HS3ST5: variants seen among roughly 807,000 people sequenced by gnomAD.
HS3ST5 encodes the protein heparan sulfate-glucosamine 3-sulfotransferase 5.
Under a neutral mutation model 25.4 loss-of-function variants are expected in HS3ST5, and 10 were observed. The ratio of observed to expected loss-of-function variants is 0.39; its 90% CI spans 0.24 to 0.67. The LOEUF (loss-of-function observed/expected upper bound fraction) is 0.67, where lower values mean the gene tolerates loss of function less well. HS3ST5 is among the 30% of genes least tolerant of loss of function. HS3ST5 has a pLI of 0.44. For synonymous variants in HS3ST5, 170 were observed against 162.4 expected, an observed-to-expected ratio of 1.05 and a Z score of -0.36; for missense variants, 324 against 420.7, an observed-to-expected ratio of 0.77 and a Z score of 2.01.
intron 3 of HS3ST5, among the ~76,000 whole-genome samples, chr6:114,070,008 C>A (rs1773711831): frequency 6.6e-6 from 1 of 152,018 alleles, no homozygotes; most frequent in African/African-American, 2.4e-5. Context: ...GATAAATCCT[C>A]TAGTGGAGAT....
chr6:114,245,958 G>C lies in HS3ST5; in HGVS notation c.-338-17180C>G, dbSNP rs184138605. The stretch of plus-strand genomic sequence containing the variant: ...ATTTTCGTGGAAAGGGTTCAGGCAA[G>C]ATGTTTCAATCAAATCTCATGACGC... On this transcript the variant is annotated intron_variant, in intron 1 of 4. Transcript: ENST00000312719. Among the ~76,000 whole-genome samples the C allele has an allele frequency of 9.3e-4, 142 of 152,304 alleles. 1 individual carries two copies. Among genetic ancestry groups the C allele is most frequent in the Non-Finnish European group, 1.6e-3 (106 of 68,020 alleles).
intron 2 of HS3ST5, chr6:114,178,737 G>T (rs60344320): frequency 6.6e-6 from 1 of 152,290 alleles, no homozygotes; most frequent in East Asian, 1.9e-4. Flanking sequence ...TTCTGTTTAG[G>T]CTAAGGAAGC....
intron 1 of HS3ST5, among the ~76,000 whole-genome samples, chr6:114,289,740 G>A (rs747570045): frequency 2.0e-5 from 3 of 152,102 alleles, no homozygotes; most frequent in Non-Finnish European, 2.9e-5. Context: ...AGCTCTACAA[G>A]TACAAAGCTC....
At chr6:114,302,358 G>A (rs1274563857) in intron 1 of HS3ST5, among the ~76,000 whole-genome samples, 2 of 152,154 alleles carry the variant, frequency 1.3e-5, no homozygotes, top group African/African-American at 4.8e-5. Flanking sequence ...GACATGAAAT[G>A]GTAAGAGAAA....
intron 2 of HS3ST5, among the ~76,000 whole-genome samples, chr6:114,215,341 A>G (rs1231769785): frequency 2.0e-5 from 3 of 151,938 alleles, no homozygotes; most frequent in Non-Finnish European, 2.9e-5. Context: ...AACAGCAACA[A>G]AAAACTCAGG....
At chr6:114,177,704 G>A (rs1253390591) in intron 2 of HS3ST5, among the ~76,000 whole-genome samples, 1 of 152,144 alleles carries the variant, frequency 6.6e-6, no homozygotes, top group Non-Finnish European at 1.5e-5. Flanking sequence ...TTCTAGTTAT[G>A]AAGGAAGAAT....
intron 1 of HS3ST5, among the ~76,000 whole-genome samples, chr6:114,332,850 A>T (rs1025171343): frequency 7.9e-5 from 12 of 152,130 alleles, no homozygotes. Flanking sequence ...AGGGATCAGC[A>T]TATAGAAAGG....
intron 2 of HS3ST5, among the ~76,000 whole-genome samples, chr6:114,213,797 G>C (rs1044122865): frequency 6.6e-6 from 1 of 152,024 alleles, no homozygotes; most frequent in African/African-American, 2.4e-5. Flanking sequence ...TTATCTCTAC[G>C]ATCCCCAGTC....
intron 2 of HS3ST5, among the ~76,000 whole-genome samples, chr6:114,214,435 A>G (rs1000229990): frequency 3.3e-5 from 5 of 152,064 alleles, no homozygotes; most frequent in Admixed American, 3.3e-4. Context: ...TTACTCTTTC[A>G]TGACCTTGAC....
intron 3 of HS3ST5, among the ~76,000 whole-genome samples, chr6:114,099,432 A>G (rs1303613293): frequency 1.3e-5 from 2 of 152,186 alleles, no homozygotes; most frequent in South Asian, 2.1e-4. Context: ...AGTAATTCCT[A>G]TTCCCTAAGG....
chr6:114,293,337 T>C (rs778339501), intron 1 of HS3ST5, among the ~76,000 whole-genome samples: 13 of 152,204 alleles, frequency 8.5e-5, no homozygotes, highest in Non-Finnish European at 1.8e-4. Flanking sequence ...TTTTACATGA[T>C]ATTGGAGACA....
At chr6:114,288,987 G>A (rs72956242) in intron 1 of HS3ST5, among the ~76,000 whole-genome samples, 111 of 152,122 alleles carry the variant, frequency 7.3e-4, no homozygotes, top group Admixed American at 1.8e-3. Context: ...TGGTTCCTGG[G>A]ACAGAGAACA....
At chr6:114,217,957 T>C (rs1051923556) in intron 2 of HS3ST5, among the ~76,000 whole-genome samples, 1 of 152,242 alleles carries the variant, frequency 6.6e-6, no homozygotes, top group Non-Finnish European at 1.5e-5. Context: ...CCATCTTGTA[T>C]GATTCTAACA....
intron 1 of HS3ST5, among the ~76,000 whole-genome samples, chr6:114,240,037 G>T (rs897221263): frequency 2.6e-5 from 3 of 116,128 alleles, no homozygotes; most frequent in African/African-American, 3.8e-5. Context: ...CACACACACC[G>T]CTTACTCTCT....
intron 3 of HS3ST5, among the ~76,000 whole-genome samples, chr6:114,075,978 C>T (rs767504103): frequency 1.3e-5 from 2 of 152,130 alleles, no homozygotes; most frequent in South Asian, 4.1e-4. Context: ...AGAGTATGTG[C>T]CACACAAGGT....
chr6:114,224,572 A>T (rs1179409956), intron 2 of HS3ST5, among the ~76,000 whole-genome samples: 1 of 150,594 alleles, frequency 6.6e-6, no homozygotes, highest in Non-Finnish European at 1.5e-5. Context: ...CTTTTTTTGT[A>T]CTCTTAAATC....
chr6:114,293,289 TCTATGA>T (rs1338077508), intron 1 of HS3ST5, among the ~76,000 whole-genome samples: 1 of 152,170 alleles, frequency 6.6e-6, no homozygotes, highest in East Asian at 1.9e-4. Context: ...AGGCTGGTTC[TCTATGA>T]CTATAACTTT....
chr6:114,245,841 G>T (rs1772353873), intron 1 of HS3ST5, among the ~76,000 whole-genome samples: 1 of 152,212 alleles, frequency 6.6e-6, no homozygotes, highest in Non-Finnish European at 1.5e-5. Context: ...GGAAAGAAAA[G>T]CTGCATACAT....
intron 1 of HS3ST5, among the ~76,000 whole-genome samples, chr6:114,254,396 C>T (rs143632930): frequency 4.6e-5 from 7 of 152,272 alleles, no homozygotes; most frequent in South Asian, 4.1e-4. Context: ...GATTCATACC[C>T]GTAGGGGTGC....
Sources: allele counts gnomAD v4.1 joint callset (sites outside exome capture counted in the v4.1 genomes callset), GRCh38; gene constraint gnomAD v4.1.1; transcripts MANE v1.5; gene names NCBI Gene and HGNC (gene_info 2026-07-23, HGNC 2026-07-21).